ARHGAP15: variants seen among roughly 807,000 people sequenced by gnomAD.
ARHGAP15 encodes the protein Rho GTPase activating protein 15.
Under a neutral mutation model 63.7 loss-of-function variants are expected in ARHGAP15, and 51 were observed. The observed-to-expected ratio is 0.80, with a 90% CI of 0.64 to 1.01. The LOEUF is 1.01. Ranked by LOEUF, ARHGAP15 falls within the 50% of genes least tolerant of loss-of-function variation. ARHGAP15 has a pLI of 0.00. For missense variants in ARHGAP15, 560 were observed against 564.6 expected, an observed-to-expected ratio of 0.99 and a Z score of 0.08; for synonymous variants, 191 against 193.8, an observed-to-expected ratio of 0.99 and a Z score of 0.12.
intron 6 of ARHGAP15, among the ~76,000 whole-genome samples, chr2:143,307,488 G>T (rs1683227360): frequency 6.6e-6 from 1 of 152,066 alleles, no homozygotes; most frequent in Non-Finnish European, 1.5e-5. Flanking sequence ...GCTCAATAAA[G>T]GTAGTAACAT....
intron 11 of ARHGAP15, among the ~76,000 whole-genome samples, chr2:143,581,180 A>G (rs1198556046): frequency 1.3e-5 from 2 of 152,120 alleles, no homozygotes. Context: ...TAGCTCCACA[A>G]AAAGCCAGAA....
rs1458306560 is a variant in ARHGAP15, at chr2:143,256,801, G to A, written c.474+6201G>A. Among the ~76,000 whole-genome samples, 6 of 151,860 alleles carry A rather than the reference G, an allele frequency of 4.0e-5. No individual in the cohort carries two copies. In the South Asian group the frequency reaches 1.2e-3, roughly 32 times the overall value. On this transcript the variant is annotated intron_variant, in intron 6 of 13. Transcript: ENST00000295095. ...TTGATTTAAGAATATGAATGTCAGG[G>A]GTATATAAAGATTGAGTGCAAATGA...
chr2:143,648,841 C>T (rs544035380), intron 12 of ARHGAP15: 15 of 152,046 alleles, frequency 9.9e-5, no homozygotes, highest in Admixed American at 5.3e-4. Context: ...GTGTTAGGTG[C>T]ACATTTCTCC....
chr2:143,719,662 A>G (rs1441435700), intron 13 of ARHGAP15, among the ~76,000 whole-genome samples: 1 of 152,070 alleles, frequency 6.6e-6, no homozygotes, highest in Non-Finnish European at 1.5e-5. Context: ...CACATTTCCT[A>G]TTTAGGGCCA....
intron 2 of ARHGAP15, among the ~76,000 whole-genome samples, chr2:143,185,671 G>A (rs1171445642): frequency 6.6e-6 from 1 of 152,088 alleles, no homozygotes; most frequent in African/African-American, 2.4e-5. Flanking sequence ...ATGTACTATG[G>A]TATCAATCAT....
At chr2:143,762,702 AT>A (rs112837337) in intron 13 of ARHGAP15, among the ~76,000 whole-genome samples, 37 of 150,792 alleles carry the variant, frequency 2.5e-4, no homozygotes, top group African/African-American at 5.6e-4. Context: ...ATTGGCAAGG[AT>A]TTTTTTTTTC....
chr2:143,522,453 A>G (rs1694096123), intron 10 of ARHGAP15, among the ~76,000 whole-genome samples: 1 of 152,138 alleles, frequency 6.6e-6, no homozygotes, highest in African/African-American at 2.4e-5. Flanking sequence ...AACTCAACTT[A>G]TGTTTCTTTT....
intron 6 of ARHGAP15, among the ~76,000 whole-genome samples, chr2:143,274,068 A>C (rs897194865): frequency 2.0e-5 from 3 of 152,142 alleles, no homozygotes; most frequent in African/African-American, 4.8e-5. Flanking sequence ...TTATCCTTTA[A>C]AATTTTTAAG....
At chr2:143,209,004 A>T (rs999665676) in intron 3 of ARHGAP15, among the ~76,000 whole-genome samples, 3 of 152,132 alleles carry the variant, frequency 2.0e-5, no homozygotes, top group Non-Finnish European at 2.9e-5. Flanking sequence ...GATAAACCTT[A>T]AGTCACAGAT....
intron 11 of ARHGAP15, chr2:143,607,548 C>CGAGAGAGAGAGAGA (rs5834958): frequency 6.8e-6 from 1 of 147,208 alleles, no homozygotes. Flanking sequence ...AGGCCACCCA[C>CGAGAGAGAGAGAGA]GAGAGAGAGA....
chr2:143,348,169 G>A (rs774214168), intron 6 of ARHGAP15, among the ~76,000 whole-genome samples: 40 of 152,110 alleles, frequency 2.6e-4, no homozygotes, highest in Middle Eastern at 3.2e-3. Context: ...TCATATTTGT[G>A]TTGGTGATTT....
chr2:143,330,127 A>ACT (rs1558897993), intron 6 of ARHGAP15, among the ~76,000 whole-genome samples: 1 of 81,302 alleles, frequency 1.2e-5, no homozygotes, highest in African/African-American at 5.1e-5. Context: ...AAAAAAAAAA[A>ACT]AAAACCAAAA....
At position 143,622,483 on chromosome 2, in the gene ARHGAP15, G is replaced by A. The variant is rs150158415; in HGVS notation, c.1004-1650G>A. On this transcript the variant is annotated intron_variant, in intron 11 of 13. Transcript: ENST00000295095. ...TTGATGCTATTGTTAACAGTTGACT[G>A]TTTAAAGCTGGCCTGCTAAGATGCT... Among the ~76,000 whole-genome samples the A allele has an allele frequency of 3.8e-3, 574 of 152,268 alleles. 6 individuals are homozygous for A. The highest frequency in any genetic ancestry group is 0.013 in the African/African-American group (548 of 41,542).
intron 12 of ARHGAP15, among the ~76,000 whole-genome samples, chr2:143,668,280 CTTTT>C (rs60232406): frequency 1.4e-5 from 2 of 145,656 alleles, no homozygotes; most frequent in African/African-American, 5.0e-5. Flanking sequence ...ATTCTATTTT[CTTTT>C]TTTTTTTTTC....
intron 10 of ARHGAP15, among the ~76,000 whole-genome samples, chr2:143,539,474 G>A (rs578229272): frequency 6.6e-6 from 1 of 151,602 alleles, no homozygotes; most frequent in African/African-American, 2.4e-5. Flanking sequence ...GTGATGTTAG[G>A]GTGTCAATTT....
chr2:143,346,175 C>T (rs1243650667), intron 6 of ARHGAP15, among the ~76,000 whole-genome samples: 10 of 45,430 alleles, frequency 2.2e-4, no homozygotes. Flanking sequence ...CACACACACT[C>T]TCTCTCTCAC....
At chr2:143,431,721 G>C (rs75121722) in intron 6 of ARHGAP15, among the ~76,000 whole-genome samples, 7,836 of 152,062 alleles carry the variant, frequency 0.052, 740 homozygotes, top group Admixed American at 0.23. Context: ...GTGAGTTCTT[G>C]AGGGTGGGGG....
chr2:143,647,187 T>G (rs890989401), intron 12 of ARHGAP15, among the ~76,000 whole-genome samples: 1 of 151,900 alleles, frequency 6.6e-6, no homozygotes, highest in Non-Finnish European at 1.5e-5. Flanking sequence ...TAGAGTATGA[T>G]ATTGCTAATA....
chr2:143,550,917 GAAGT>G (rs1264540991), intron 10 of ARHGAP15, among the ~76,000 whole-genome samples: 1 of 152,154 alleles, frequency 6.6e-6, no homozygotes, highest in Non-Finnish European at 1.5e-5. Context: ...GTGGTAGAGA[GAAGT>G]AAGAGTAAAT....
Sources: gnomAD v4.1 joint callset for allele counts (sites outside exome capture counted in the v4.1 genomes callset) on GRCh38, gnomAD v4.1.1 for gene constraint, MANE v1.5 for transcripts, NCBI Gene and HGNC (gene_info 2026-07-23, HGNC 2026-07-21) for gene names.